URB1: variants seen among roughly 807,000 people sequenced by gnomAD.
URB1 encodes the protein URB1 ribosome biogenesis factor.
Under a neutral mutation model 242.3 loss-of-function variants are expected in URB1, and 197 were observed. That is an observed-to-expected ratio of 0.81 (90% CI 0.72 to 0.91). The LOEUF (loss-of-function observed/expected upper bound fraction) is 0.91. Ranked by LOEUF, URB1 falls within the 40% of genes least tolerant of loss-of-function variation. The probability of loss-of-function intolerance (pLI) is 0.00; values close to 1 mark genes in which losing one functional copy is unlikely to be tolerated. For synonymous variants in URB1, 1,153 were observed against 1,201.8 expected, an observed-to-expected ratio of 0.96 and a Z score of 0.84; for missense variants, 2,721 against 2,860.5, an observed-to-expected ratio of 0.95 and a Z score of 1.11.
At chr21:32,389,077 A>G (rs369087682) in intron 1 of URB1, among the ~76,000 whole-genome samples, 35 of 152,382 alleles carry the variant, frequency 2.3e-4, no homozygotes, top group African/African-American at 7.9e-4. Flanking sequence ...CATCAAGAGT[A>G]TAATGAGGAC....
At chr21:32,382,668 G>A (rs1364346260) in intron 4 of URB1, among the ~76,000 whole-genome samples, 2 of 152,056 alleles carry the variant, frequency 1.3e-5, no homozygotes, top group South Asian at 4.2e-4. Flanking sequence ...TGACACTCTG[G>A]CCAGGGCTGT....
rs958218509 is a variant in URB1, at chr21:32,320,538, C to T, written c.5587G>A (p.Glu1863Lys). 4 of 1,551,016 alleles carry T rather than the reference C, an allele frequency of 2.6e-6. No individual in the cohort carries two copies. In the African/African-American group the frequency reaches 5.5e-5, roughly 21 times the overall value. The change falls in exon 35 of 39, where the codon GAA (glutamate) becomes AAA (lysine). Residue 1863 changes from glutamate to lysine, a missense_variant. Glu to Lys is a moderately conservative substitution (Grantham distance 56, BLOSUM62 1). Coordinates refer to ENST00000382751, the MANE Select transcript of URB1 (RefSeq NM_014825.3). Reference protein sequence around the residue: ...SLLTWILHILESKFLETPLLS... With the variant: ...SLLTWILHILKSKFLETPLLS... ...CATGCAAAAGGTACTTACTTGCTTT[C>T]AAGGATGTGTAAAATCCATGTTAAA...
At chr21:32,361,148 GA>G in intron 12 of URB1, 25 bp from the exon 13 acceptor site, 1 of 788,200 alleles carries the variant, frequency 1.3e-6, no homozygotes. Context: ...GAAAAAGAAA[GA>G]AAAAGAGAAA....
At chr21:32,335,865 G>A (rs1383901469) in intron 28 of URB1, among the ~76,000 whole-genome samples, 19 of 152,204 alleles carry the variant, frequency 1.2e-4, no homozygotes, top group Admixed American at 1.2e-3. Context: ...GCCAGTGAGC[G>A]GCACATCCTT....
At chr21:32,391,842 A>G (rs1257204305) in intron 1 of URB1, among the ~76,000 whole-genome samples, 1 of 140,988 alleles carries the variant, frequency 7.1e-6, no homozygotes, top group South Asian at 2.3e-4. Flanking sequence ...GTGAGATTCC[A>G]TCTCTACAAA....
Position 32,359,820 on chromosome 21 carries a change from G to C in URB1, c.1845C>G (p.Ser615Arg). Residue 615 changes from serine (S) to arginine (R), a missense_variant, in exon 14 of 39, where the codon AGC becomes AGG. Coordinates refer to ENST00000382751, the MANE Select transcript of URB1 (RefSeq NM_014825.3). ...CCTGTGCCTTTAACCACAGAAACTTGCTGGCCGGCAGCTCCAGGGCCACCT... is the reference window on the plus strand; with the variant it reads ...CCTGTGCCTTTAACCACAGAAACTTCCTGGCCGGCAGCTCCAGGGCCACCT... The part of the protein sequence containing the change: ...MLKVALELPA[S>R]KFLWLKAQEG... 1 of 1,546,824 alleles carries C rather than the reference G, an allele frequency of 6.5e-7. No individual in the cohort carries two copies. Among genetic ancestry groups the C allele is most frequent in the South Asian group, 1.2e-5 (1 of 83,236 alleles).
chr21:32,367,572 G>A lies in URB1; in HGVS notation c.1198-817C>T, dbSNP rs374151816. On this transcript the variant is annotated intron_variant, in intron 9 of 38. Coordinates refer to ENST00000382751, the MANE Select transcript of URB1 (RefSeq NM_014825.3). ...GTGACAGAGAGTTCAAACAAGTCAG[G>A]CATTACTGCCAAAGAACAGTAGGTA... is the stretch of plus-strand genomic sequence containing the variant. Among the ~76,000 whole-genome samples, 3 of 149,534 alleles carry A rather than the reference G, an allele frequency of 2.0e-5. No individual in the cohort carries two copies. In the East Asian group the frequency reaches 5.8e-4, roughly 29 times the overall value.
intron 30 of URB1, among the ~76,000 whole-genome samples, chr21:32,328,018 C>G (rs1249082611): frequency 1.3e-5 from 2 of 152,202 alleles, no homozygotes; most frequent in Non-Finnish European, 2.9e-5. Flanking sequence ...AACCTAGGTA[C>G]ATGCTGCCTT....
chr21:32,344,666 C>T lies in URB1; in HGVS notation c.4161G>A (p.Val1387=). Residue 1387 remains valine (V), a synonymous_variant, in exon 24 of 39, where the codon GTG becomes GTA. Transcript: ENST00000382751. Reference sequence around the variant, plus strand: ...CACTGAAAGACACGATCAGCCACTTCACACAGGACTCCAAAAGGGTCCTTC... The same window carrying T: ...CACTGAAAGACACGATCAGCCACTTTACACAGGACTCCAAAAGGGTCCTTC... ...AWRRTLLESC[V]KWLIVSFSGG... The T allele has an allele frequency of 1.3e-6, 2 of 1,552,402 alleles. No homozygotes were observed. Among genetic ancestry groups the T allele is most frequent in the East Asian group, 2.4e-5 (1 of 40,932 alleles).
chr21:32,323,095 C>A (rs2032787343), intron 32 of URB1, among the ~76,000 whole-genome samples: 2 of 152,204 alleles, frequency 1.3e-5, no homozygotes, highest in African/African-American at 4.8e-5. Context: ...ATGAGTCTAC[C>A]CCATGACCAT....
intron 20 of URB1, 126 bp downstream of exon 20, chr21:32,350,578 C>T (rs2033145385): frequency 3.5e-6 from 4 of 1,147,864 alleles, no homozygotes; most frequent in African/African-American, 1.5e-5. Flanking sequence ...CAGAACAGCA[C>T]TTAAACTGCC....
chr21:32,331,250 C>T (rs2032889832), intron 30 of URB1, among the ~76,000 whole-genome samples: 1 of 152,168 alleles, frequency 6.6e-6, no homozygotes, highest in South Asian at 2.1e-4. Flanking sequence ...ACAGTTCTCC[C>T]TCTAGAATGA....
chr21:32,317,942 C>A, intron 36 of URB1, 25 bp from the exon 37 acceptor site: 1 of 1,550,622 alleles, frequency 6.4e-7, no homozygotes, highest in Non-Finnish European at 8.7e-7. Context: ...ATGTTACAGA[C>A]TGAGCAAAGG....
At chr21:32,325,555 A>C (rs950040586) in intron 30 of URB1, among the ~76,000 whole-genome samples, 166 bp from the exon 31 acceptor site, 1 of 152,142 alleles carries the variant, frequency 6.6e-6, no homozygotes, top group African/African-American at 2.4e-5. Flanking sequence ...GAAGTTAGAC[A>C]AAAAAACCTC....
intron 38 of URB1, 86 bp from the exon 39 acceptor site, chr21:32,315,185 G>A (rs2032663084): frequency 7.4e-7 from 1 of 1,359,726 alleles, no homozygotes; most frequent in African/African-American, 1.5e-5. Flanking sequence ...CAACGGCTTT[G>A]CCAAGTGCCC....
Position 32,324,742 on chromosome 21 carries a change from C to A in URB1, c.5122-140G>T, listed in dbSNP as rs181484040. On this transcript the variant is annotated intron_variant, in intron 31 of 38. Coordinates refer to ENST00000382751, the MANE Select transcript of URB1 (RefSeq NM_014825.3). ...CAGGGGCCACTGAAGACGAAGCTCA[C>A]AGGAGCAGACACACTACTTGCCAGC... is the stretch of plus-strand genomic sequence containing the variant. 48 of 628,700 alleles carry A rather than the reference C, an allele frequency of 7.6e-5. No homozygotes were observed. The African/African-American group carries it at 8.0e-4, about 11-fold the overall frequency. The allele number at this position is 628,700 out of a possible 1,614,324, so 38.9% of individuals were successfully genotyped here. A position where few individuals can be genotyped will look rare whatever the true frequency, so the allele number is the denominator to read the frequency against.
chr21:32,378,317 AC>A (rs1462265577), intron 5 of URB1, 127 bp downstream of exon 5: 26 of 794,002 alleles, frequency 3.3e-5, no homozygotes, highest in African/African-American at 6.9e-5. Flanking sequence ...TCCCTGCCCC[AC>A]ATCCTTCAAT....
intron 4 of URB1, among the ~76,000 whole-genome samples, chr21:32,378,867 G>T (rs1461558223): frequency 4.6e-5 from 7 of 152,188 alleles, no homozygotes; most frequent in Non-Finnish European, 8.8e-5. Context: ...CCACTTTGGT[G>T]TAGAGCAAGA....
intron 1 of URB1, among the ~76,000 whole-genome samples, chr21:32,391,149 T>C (rs1416062382): frequency 7.0e-6 from 1 of 142,744 alleles, no homozygotes. Context: ...TTCTCACTCA[T>C]AGGTGGGAAC....
Sources: gnomAD v4.1 joint callset for allele counts (sites outside exome capture counted in the v4.1 genomes callset) on GRCh38, gnomAD v4.1.1 for gene constraint, MANE v1.5 for transcripts, NCBI Gene and HGNC (gene_info 2026-07-23, HGNC 2026-07-21) for gene names.